PKIA: variants seen among roughly 807,000 people sequenced by gnomAD.
The protein encoded by PKIA is cAMP-dependent protein kinase inhibitor alpha, also known as PKI-alpha.
Under a neutral mutation model 7.6 loss-of-function variants are expected in PKIA, and 4 were observed. The observed-to-expected ratio is 0.52, with a 90% CI of 0.26 to 1.20. PKIA has a LOEUF of 1.20. Among genes scored for constraint, PKIA ranks in the 50% most tolerant of loss-of-function variants. The probability of loss-of-function intolerance (pLI) is 0.13; values close to 1 mark genes in which losing one functional copy is unlikely to be tolerated. For missense variants in PKIA, 73 were observed against 86.2 expected (o/e 0.85, Z 0.61); for synonymous variants, 21 against 30.7 (o/e 0.68, Z 1.04).
At chr8:78,545,444 G>A (rs1806796618) in intron 1 of PKIA, among the ~76,000 whole-genome samples, 1 of 152,102 alleles carries the variant, frequency 6.6e-6, no homozygotes, top group Admixed American at 6.6e-5. Context: ...TTCTGATATA[G>A]TGTGGGATAA....
At chr8:78,567,031 G>A (rs141725252) in intron 1 of PKIA, among the ~76,000 whole-genome samples, 40 of 151,854 alleles carry the variant, frequency 2.6e-4, no homozygotes, top group African/African-American at 8.0e-4. Flanking sequence ...TATTTATTGG[G>A]GACTGCAGAA....
Position 78,604,453 on chromosome 8 carries a change from C to G in PKIA, c.*2632C>G, listed in dbSNP as rs968155469. 2.0e-5 allele frequency: 3 copies of G among 151,952 alleles called. No homozygotes were observed. The highest frequency in any genetic ancestry group is 7.2e-5 in the African/African-American group (3 of 41,412). 9.4% of individuals were successfully genotyped at this position (151,952 alleles called of 1,614,324 possible). On this transcript the variant is annotated 3_prime_UTR_variant, in exon 4 of 4. Coordinates refer to ENST00000396418, the MANE Select transcript of PKIA (RefSeq NM_006823.4). The stretch of plus-strand genomic sequence containing the variant: ...AGCCAACTGCAGAGCTGTAAGGGAA[C>G]TTTTAGAGATGAACTTCTTCAGCCT...
At chr8:78,532,380 A>C (rs1806409195) in intron 1 of PKIA, among the ~76,000 whole-genome samples, 1 of 152,036 alleles carries the variant, frequency 6.6e-6, no homozygotes, top group Non-Finnish European at 1.5e-5. Flanking sequence ...ATCCCACTCC[A>C]GCTCACCCCT....
chr8:78,532,273 A>G lies in PKIA; in HGVS notation c.-157+15805A>G, dbSNP rs564492471. On this transcript the variant is annotated intron_variant, in intron 1 of 3. Transcript: ENST00000396418. ...TATTAATAAAATTTTACCTTTTATAAAAGTCCATAAATTTTAGTAAGGTTG... is the reference window on the plus strand; with the variant it reads ...TATTAATAAAATTTTACCTTTTATAGAAGTCCATAAATTTTAGTAAGGTTG... 2.4e-4 allele frequency among the ~76,000 whole-genome samples: 36 copies of G among 152,102 alleles called. 1 individual carries two copies. Among genetic ancestry groups the G allele is most frequent in the Admixed American group, 4.6e-4 (7 of 15,236 alleles).
intron 2 of PKIA, among the ~76,000 whole-genome samples, chr8:78,577,329 C>T (rs1303288258): frequency 1.3e-5 from 2 of 151,734 alleles, no homozygotes; most frequent in African/African-American, 2.4e-5. Flanking sequence ...ACAACAGACA[C>T]TGGGGCCTTT....
chr8:78,542,821 A>G (rs1454148193), intron 1 of PKIA, among the ~76,000 whole-genome samples: 2 of 151,952 alleles, frequency 1.3e-5, no homozygotes, highest in East Asian at 3.9e-4. Context: ...TCTATTTTTT[A>G]TTTCAACTTT....
intron 1 of PKIA, chr8:78,534,343 A>T (rs1253937904): frequency 6.6e-6 from 1 of 152,140 alleles, no homozygotes; most frequent in East Asian, 1.9e-4. Context: ...CCAAATTTTA[A>T]TTCTGAAATT....
intron 2 of PKIA, among the ~76,000 whole-genome samples, chr8:78,589,463 A>G (rs929007004): frequency 1.3e-5 from 2 of 152,186 alleles, no homozygotes; most frequent in Non-Finnish European, 2.9e-5. Flanking sequence ...TAAAGTTTTT[A>G]CGTGTTAAAC....
At chr8:78,553,739 T>G (rs960995731) in intron 1 of PKIA, among the ~76,000 whole-genome samples, 8 of 2,968 alleles carry the variant, frequency 2.7e-3, no homozygotes, top group Admixed American at 0.023. Context: ...ACAACTGGAT[T>G]TTTTTTTTTT....
intron 1 of PKIA, among the ~76,000 whole-genome samples, chr8:78,547,762 AG>A (rs1159088278): frequency 6.6e-6 from 1 of 152,176 alleles, no homozygotes; most frequent in Non-Finnish European, 1.5e-5. Context: ...AATCAGCCAG[AG>A]AGTAGAAATT....
At chr8:78,594,214 G>A (rs1422518961) in intron 2 of PKIA, among the ~76,000 whole-genome samples, 1 of 152,124 alleles carries the variant, frequency 6.6e-6, no homozygotes, top group Non-Finnish European at 1.5e-5. Flanking sequence ...AGTTTTGAGG[G>A]CTAAATCTAC....
intron 2 of PKIA, among the ~76,000 whole-genome samples, chr8:78,583,759 A>G (rs1807877999): frequency 6.6e-6 from 1 of 152,046 alleles, no homozygotes; most frequent in African/African-American, 2.4e-5. Context: ...GGCTTGACCT[A>G]ATCTATTATA....
chr8:78,543,897 T>C (rs911693432), intron 1 of PKIA, among the ~76,000 whole-genome samples: 5 of 152,132 alleles, frequency 3.3e-5, no homozygotes, highest in Non-Finnish European at 7.4e-5. Flanking sequence ...TTCCAACCTA[T>C]GGCTGCAGCT....
rs926476665 is a variant in PKIA at position 78,603,675 on chromosome 8, C to T, written c.*1854C>T. On this transcript the variant is annotated 3_prime_UTR_variant, in exon 4 of 4. Coordinates refer to ENST00000396418, the MANE Select transcript of PKIA (RefSeq NM_006823.4). ...GTTCCTAGGGTTATTTTAGGCAATC[C>T]CTGGTAAACTGTTTAAACCATCAAA... 2 of 151,794 alleles carry T rather than the reference C, an allele frequency of 1.3e-5. No individual in the cohort carries two copies. Among genetic ancestry groups the T allele is most frequent in the Admixed American group, 6.6e-5 (1 of 15,186 alleles). The allele number at this position is 151,794 out of a possible 1,614,324, so 9.4% of individuals were successfully genotyped here. A position where few individuals can be genotyped will look rare whatever the true frequency, so the allele number is the denominator to read the frequency against.
chr8:78,538,968 G>C (rs531278184), intron 1 of PKIA, among the ~76,000 whole-genome samples: 86 of 152,128 alleles, frequency 5.7e-4, no homozygotes, highest in African/African-American at 1.6e-3. Flanking sequence ...GCTATGACAA[G>C]GAGGCTTTTT....
chr8:78,594,838 A>G (rs1042198812), intron 2 of PKIA, among the ~76,000 whole-genome samples: 3 of 152,214 alleles, frequency 2.0e-5, no homozygotes, highest in Non-Finnish European at 4.4e-5. Context: ...TTGTTTGAAA[A>G]AGGAAGAATT....
At chr8:78,589,497 A>G (rs1326709937) in intron 2 of PKIA, among the ~76,000 whole-genome samples, 3 of 152,124 alleles carry the variant, frequency 2.0e-5, no homozygotes, top group Non-Finnish European at 4.4e-5. Flanking sequence ...AAAGTATTTG[A>G]GTCTGATCTA....
In PKIA at chr8:78,579,849, A is replaced by G. The variant is rs149611125; in HGVS notation, c.-28+6910A>G. 4.4e-3 allele frequency among the ~76,000 whole-genome samples: 672 copies of G among 152,162 alleles called. 7 individuals carry two copies. The highest frequency in any genetic ancestry group is 0.015 in the African/African-American group (617 of 41,550). On this transcript the variant is annotated intron_variant, in intron 2 of 3. Coordinates refer to ENST00000396418, the MANE Select transcript of PKIA (RefSeq NM_006823.4). ...AACAGGAAATCAAGATGGCCTGGGG[A>G]CATCCCTTTTGACAAGGTCTTCAGG...
chr8:78,519,513 G>T (rs887486174), intron 1 of PKIA, among the ~76,000 whole-genome samples: 2 of 152,012 alleles, frequency 1.3e-5, no homozygotes, highest in Non-Finnish European at 2.9e-5. Context: ...CAATAATAAG[G>T]CTCAAATAGA....
Sources: gnomAD v4.1 joint callset for allele counts (sites outside exome capture counted in the v4.1 genomes callset) on GRCh38, gnomAD v4.1.1 for gene constraint, MANE v1.5 for transcripts, NCBI Gene and HGNC (gene_info 2026-07-23, HGNC 2026-07-21) for gene names.